The following GLRX3 variants were observed in gnomAD, a reference collection of about 807,000 sequenced individuals.
GLRX3 encodes the protein glutaredoxin 3.
GLRX3 carries 22 observed loss-of-function variants against 49.5 expected under a neutral mutation model. That is an observed-to-expected ratio of 0.44 (90% CI 0.32 to 0.63). GLRX3 has a LOEUF of 0.63. GLRX3 is among the 30% of genes least tolerant of loss of function. The pLI is 0.05. For synonymous variants in GLRX3, 133 were observed against 140.0 expected, an observed-to-expected ratio of 0.95 and a Z score of 0.35; for missense variants, 385 against 396.3, an observed-to-expected ratio of 0.97 and a Z score of 0.24.
Position 130,159,978 on chromosome 10 carries a change from A to T in GLRX3, c.202-17A>T, listed in dbSNP as rs1463830623. On this transcript the variant is annotated splice_polypyrimidine_tract_variant and intron_variant, in intron 2 of 10. Transcript: ENST00000331244. ...AGGACCTTGTAATAATCAAGCTTGA[A>T]TTCTTTTATTTTAAAGTTGGAAGCT... The T allele has an allele frequency of 6.6e-7, 1 of 1,504,218 alleles. No homozygotes were observed. The highest frequency in any genetic ancestry group is 9.3e-7 in the Non-Finnish European group (1 of 1,080,222). The allele number at this position is 1,504,218 out of a possible 1,614,324, so 93.2% of individuals were successfully genotyped here.
rs116981705 is a variant in GLRX3, at chr10:130,177,269, T to C, written c.958-2073T>C. On this transcript the variant is annotated intron_variant, in intron 10 of 10. Coordinates refer to ENST00000331244, the MANE Select transcript of GLRX3 (RefSeq NM_006541.5). Reference sequence around the variant, plus strand: ...AGCTAATCTAGTGTCCTGAGAAAATTGTGAGTTGTTATTGCCTCTGAAGAG... The same window carrying C: ...AGCTAATCTAGTGTCCTGAGAAAATCGTGAGTTGTTATTGCCTCTGAAGAG... 1.8e-3 allele frequency among the ~76,000 whole-genome samples: 274 copies of C among 152,338 alleles called. 5 individuals are homozygous for C. In the East Asian group the frequency reaches 0.04, roughly 22 times the overall value.
chr10:130,177,582 A>T (rs1350021095), intron 10 of GLRX3, among the ~76,000 whole-genome samples: 1 of 152,202 alleles, frequency 6.6e-6, no homozygotes, highest in African/African-American at 2.4e-5. Flanking sequence ...ATTGTCCACC[A>T]TCCCATAACT....
At chr10:130,172,997 A>G (rs1366426380) in intron 8 of GLRX3, among the ~76,000 whole-genome samples, 2 of 152,226 alleles carry the variant, frequency 1.3e-5, no homozygotes, top group African/African-American at 4.8e-5. Flanking sequence ...AGAAGCAAGT[A>G]TAGTCAGTTT....
intron 3 of GLRX3, among the ~76,000 whole-genome samples, chr10:130,160,591 A>T (rs947826421): frequency 1.3e-5 from 2 of 152,120 alleles, no homozygotes; most frequent in Admixed American, 1.3e-4. Flanking sequence ...TTTGACTTTG[A>T]GATGTTGCAG....
chr10:130,171,710 A>G (rs1334395700), intron 8 of GLRX3, 74 bp downstream of exon 8: 1 of 860,696 alleles, frequency 1.2e-6, no homozygotes, highest in Non-Finnish European at 2.0e-6. Context: ...TCACGTCTAT[A>G]ATCCTAGCAC....
At chr10:130,159,601 A>C (rs1862537462) in intron 2 of GLRX3, 1 of 166,102 alleles carries the variant, frequency 6.0e-6, no homozygotes, top group South Asian at 1.8e-4. Flanking sequence ...CAATAGAGCA[A>C]ACAGCAAGAA....
intron 4 of GLRX3, among the ~76,000 whole-genome samples, chr10:130,161,683 C>G (rs1862579464): frequency 6.6e-6 from 1 of 152,120 alleles, no homozygotes; most frequent in South Asian, 2.1e-4. Flanking sequence ...ATGTTATTTT[C>G]TTTTTACTGT....
At chr10:130,179,727 G>C (rs1862990145), downstream of GLRX3, 1 of 254,620 alleles carries the variant, frequency 3.9e-6, no homozygotes, top group Non-Finnish European at 7.4e-6. Context: ...AAGAAAGGCA[G>C]TCTTCAGAAA....
chr10:130,179,766 C>T (rs1434270849), downstream of GLRX3: 1 of 223,242 alleles, frequency 4.5e-6, no homozygotes, highest in South Asian at 6.2e-5. Context: ...ATGCAGTACA[C>T]AACAGTATTT....
intron 1 of GLRX3, among the ~76,000 whole-genome samples, chr10:130,142,644 C>A (rs1862196911): frequency 6.6e-6 from 1 of 152,244 alleles, no homozygotes; most frequent in South Asian, 2.1e-4. Flanking sequence ...ATCTTCACTT[C>A]AGTCCTCAGT....
chr10:130,140,231 T>C (rs1418747164), intron 1 of GLRX3, among the ~76,000 whole-genome samples: 1 of 152,242 alleles, frequency 6.6e-6, no homozygotes, highest in East Asian at 1.9e-4. Context: ...AACTATTTGC[T>C]GATGAAGAGC....
At chr10:130,157,036 A>C (rs981391334) in intron 2 of GLRX3, among the ~76,000 whole-genome samples, 2 of 152,340 alleles carry the variant, frequency 1.3e-5, no homozygotes, top group Admixed American at 1.3e-4. Context: ...TTTATTAGCC[A>C]TGTATCTTTG....
intron 2 of GLRX3, among the ~76,000 whole-genome samples, chr10:130,145,814 T>C (rs1215313675): frequency 6.6e-6 from 1 of 152,108 alleles, no homozygotes; most frequent in Non-Finnish European, 1.5e-5. Flanking sequence ...CATTTTTTTT[T>C]TTTTTGAGAC....
intron 7 of GLRX3, among the ~76,000 whole-genome samples, chr10:130,170,045 TGATA>T (rs1862774527): frequency 6.6e-6 from 1 of 152,266 alleles, no homozygotes; most frequent in South Asian, 2.1e-4. Context: ...ATATCAAGTT[TGATA>T]GATTACTTCC....
At chr10:130,159,917 C>G (rs1862541411) in intron 2 of GLRX3, 78 bp from the exon 3 acceptor site, 2 of 1,231,636 alleles carry the variant, frequency 1.6e-6, no homozygotes, top group East Asian at 4.7e-5. Context: ...AGGGATAATG[C>G]ATGTGAAACT....
At chr10:130,140,771 G>A (rs892774596) in intron 1 of GLRX3, among the ~76,000 whole-genome samples, 7 of 151,982 alleles carry the variant, frequency 4.6e-5, no homozygotes, top group South Asian at 2.1e-4. Context: ...TTCCTGTGGC[G>A]TTGAAAGTTC....
At position 130,179,614 on chromosome 10, in the gene GLRX3, G is replaced by A. The variant is rs1371060181; in HGVS notation, c.*222G>A. Reference sequence around the variant, plus strand: ...CATCTTCAAATTATTAACAATAATTGTATGAAAAAAGTGTATCTTTACAGC... The same window carrying A: ...CATCTTCAAATTATTAACAATAATTATATGAAAAAAGTGTATCTTTACAGC... On this transcript the variant is annotated 3_prime_UTR_variant, in exon 11 of 11. Coordinates refer to ENST00000331244, the MANE Select transcript of GLRX3 (RefSeq NM_006541.5). The A allele has an allele frequency of 8.2e-6, 4 of 486,064 alleles. No individual in the cohort carries two copies. The South Asian group carries it at 1.1e-4, about 13-fold the overall frequency. The allele number at this position is 486,064 out of a possible 1,614,324, so 30.1% of individuals were successfully genotyped here.
intron 7 of GLRX3, 40 bp from the exon 8 acceptor site, chr10:130,171,544 A>C: frequency 9.2e-7 from 1 of 1,087,398 alleles, no homozygotes; most frequent in African/African-American, 1.5e-5. Flanking sequence ...TGCTTGGGTC[A>C]TACAAAAATT....
intron 2 of GLRX3, among the ~76,000 whole-genome samples, chr10:130,146,863 G>C (rs1239591270): frequency 6.6e-6 from 1 of 152,166 alleles, no homozygotes; most frequent in Admixed American, 6.5e-5. Flanking sequence ...TCGTATAGTA[G>C]GTGATAAAAT....
Sources: allele counts gnomAD v4.1 joint callset (sites outside exome capture counted in the v4.1 genomes callset), GRCh38; gene constraint gnomAD v4.1.1; transcripts MANE v1.5; gene names NCBI Gene and HGNC (gene_info 2026-07-23, HGNC 2026-07-21).